ARHGEF37: variants seen among roughly 807,000 people sequenced by gnomAD.
The protein encoded by ARHGEF37 is Rho guanine nucleotide exchange factor (GEF) 37.
ARHGEF37 carries 55 observed loss-of-function variants against 71.1 expected under a neutral mutation model. The ratio of observed to expected loss-of-function variants is 0.77; its 90% confidence interval spans 0.62 to 0.97. The LOEUF is 0.97. ARHGEF37 is among the 50% of genes least tolerant of loss of function. The pLI is 0.00. For synonymous variants in ARHGEF37, 327 were observed against 350.6 expected, an observed-to-expected ratio of 0.93 and a Z score of 0.75; for missense variants, 765 against 836.8, an observed-to-expected ratio of 0.91 and a Z score of 1.06.
chr5:149,581,785 G>C (rs1475966206), intron 1 of ARHGEF37, among the ~76,000 whole-genome samples, 161 bp downstream of exon 1: 2 of 152,186 alleles, frequency 1.3e-5, no homozygotes, highest in African/African-American at 4.8e-5. Context: ...TTTGTGTCTT[G>C]AGCCTTATGA....
rs1762982427 is a variant in ARHGEF37 at position 149,572,736 on chromosome 5, C to T, written c.-12+20613C>T. Among the ~76,000 whole-genome samples the T allele has an allele frequency of 2.6e-5, 4 of 152,214 alleles. No homozygotes were observed. The South Asian group carries it at 8.3e-4, about 32-fold the overall frequency. ...AGGCCTTATCCAATCAGTTAAAGGCCTTAGGAGAACAAAGACTGACCTCTT... is the reference window on the plus strand; with the variant it reads ...AGGCCTTATCCAATCAGTTAAAGGCTTTAGGAGAACAAAGACTGACCTCTT... On this transcript the variant is annotated intron_variant, in intron 1 of 2. Transcript: ENST00000505810.
chr5:149,620,542 C>A, intron 8 of ARHGEF37, 78 bp downstream of exon 8: 4 of 1,240,062 alleles, frequency 3.2e-6, no homozygotes, highest in Non-Finnish European at 4.5e-6. Flanking sequence ...AGAAGTCAGG[C>A]ACTTTGGCCA....
upstream of ARHGEF37, among the ~76,000 whole-genome samples, chr5:149,580,553 G>A (rs1389896772): frequency 2.0e-5 from 3 of 152,052 alleles, no homozygotes; most frequent in African/African-American, 7.2e-5. Flanking sequence ...TGTGTCATGG[G>A]CAAGTTATTT....
chr5:149,624,621 A>G (rs1427062557), intron 10 of ARHGEF37, among the ~76,000 whole-genome samples: 3 of 135,966 alleles, frequency 2.2e-5, no homozygotes, highest in African/African-American at 5.8e-5. Context: ...TAAAAATACA[A>G]AAATTAGCTG....
chr5:149,618,956 G>A lies in ARHGEF37; in HGVS notation c.808G>A (p.Asp270Asn). Residue 270 changes from aspartate (D) to asparagine (N), a missense_variant, in exon 7 of 13, where the codon GAT becomes AAT. Asp to Asn is a conservative substitution (Grantham distance 23). Transcript: ENST00000333677. ...LIPRTEDKEF[D>N]DLEERFQWVS... is the part of the protein sequence containing the mutation. Reference sequence around the variant, plus strand: ...CTTTCAGACAGAAGACAAGGAATTTGATGATTTAGAAGAGAGGTTCCAGTG... The same window carrying A: ...CTTTCAGACAGAAGACAAGGAATTTAATGATTTAGAAGAGAGGTTCCAGTG... The A allele has an allele frequency of 6.2e-7, 1 of 1,614,058 alleles. No individual in the cohort carries two copies. The highest frequency in any genetic ancestry group is 1.1e-5 in the South Asian group (1 of 91,082).
Position 149,618,876 on chromosome 5 carries a change from C to T in ARHGEF37, c.790-62C>T, listed in dbSNP as rs1275221475. 6.5e-6 allele frequency: 9 copies of T among 1,387,778 alleles called. No homozygotes were observed. In the Admixed American group the frequency reaches 1.5e-4, roughly 23 times the overall value. The allele number at this position is 1,387,778 out of a possible 1,614,324, so 86.0% of individuals were successfully genotyped here. A position where few individuals can be genotyped will look rare whatever the true frequency, so the allele number is the denominator to read the frequency against. On this transcript the variant is annotated intron_variant, in intron 6 of 12. Transcript: ENST00000333677. ...GTTGTCCCAGTGAGGACCTGGAACA[C>T]TGAAGCCGGTGTACACTGCCCCCAT...
intron 2 of ARHGEF37, among the ~76,000 whole-genome samples, 191 bp from the exon 3 acceptor site, chr5:149,600,917 G>A (rs530290404): frequency 4.6e-5 from 7 of 152,298 alleles, no homozygotes; most frequent in South Asian, 4.1e-4. Context: ...GATTACAGGC[G>A]TGAGCCACTG....
rs919741756 is a variant in ARHGEF37, at chr5:149,633,428, C to T, written c.*1237C>T. On this transcript the variant is annotated 3_prime_UTR_variant, in exon 13 of 13. Transcript: ENST00000333677. Reference sequence around the variant, plus strand: ...CAATACTGCATTCTATGTAGCCAGCCTCTTTAACTTGGTAAGTGAGCCACC... The same window carrying T: ...CAATACTGCATTCTATGTAGCCAGCTTCTTTAACTTGGTAAGTGAGCCACC... 1 of 152,252 alleles carries T rather than the reference C, an allele frequency of 6.6e-6. No homozygotes were observed. Among genetic ancestry groups the T allele is most frequent in the Non-Finnish European group, 1.5e-5 (1 of 68,052 alleles). 9.4% of individuals were successfully genotyped at this position (152,252 alleles called of 1,614,324 possible). A position where few individuals can be genotyped will look rare whatever the true frequency, so the allele number is the denominator to read the frequency against.
At chr5:149,631,166 TCC>T (rs1752871397) in intron 12 of ARHGEF37, among the ~76,000 whole-genome samples, 1 of 147,816 alleles carries the variant, frequency 6.8e-6, no homozygotes. Flanking sequence ...CTTCCTTCCT[TCC>T]TTTCTTTTTT....
chr5:149,560,904 G>A (rs1195114097), intron 1 of ARHGEF37, among the ~76,000 whole-genome samples: 2 of 152,084 alleles, frequency 1.3e-5, no homozygotes, highest in Non-Finnish European at 2.9e-5. Flanking sequence ...ATCTTGACTT[G>A]TGCTCTTTAA....
chr5:149,574,937 T>A (rs1763009035), intron 1 of ARHGEF37, among the ~76,000 whole-genome samples: 1 of 152,224 alleles, frequency 6.6e-6, no homozygotes, highest in Non-Finnish European at 1.5e-5. Flanking sequence ...ATTTCTCACC[T>A]CAGCCTTATG....
chr5:149,606,525 C>G (rs909927803), intron 3 of ARHGEF37: 26 of 152,240 alleles, frequency 1.7e-4, no homozygotes, highest in Admixed American at 5.2e-4. Flanking sequence ...TTCCTGTGGT[C>G]CCTGGTTCCC....
intron 2 of ARHGEF37, among the ~76,000 whole-genome samples, chr5:149,600,874 T>G (rs1050875676): frequency 6.6e-6 from 1 of 152,124 alleles, no homozygotes; most frequent in Non-Finnish European, 1.5e-5. Context: ...CCTGACCTCA[T>G]GATCCACCCG....
At chr5:149,574,732 G>A (rs990718123) in intron 1 of ARHGEF37, among the ~76,000 whole-genome samples, 9 of 152,192 alleles carry the variant, frequency 5.9e-5, no homozygotes, top group Middle Eastern at 3.4e-3. Context: ...CTCATCCATC[G>A]TCCACCTGAC....
chr5:149,619,228 G>C (rs556542147), intron 7 of ARHGEF37, among the ~76,000 whole-genome samples, 186 bp downstream of exon 7: 3 of 152,242 alleles, frequency 2.0e-5, no homozygotes, highest in Admixed American at 6.5e-5. Context: ...CATTATACTG[G>C]GGGCAGCTCC....
intron 4 of ARHGEF37, among the ~76,000 whole-genome samples, chr5:149,614,866 A>G (rs73267895): frequency 2.2e-3 from 341 of 152,304 alleles, no homozygotes; most frequent in African/African-American, 7.7e-3. Context: ...CACGAGTATC[A>G]TCAGGGAGGG....
At chr5:149,590,773 A>AT (rs1763383109) in intron 1 of ARHGEF37, among the ~76,000 whole-genome samples, 1 of 151,422 alleles carries the variant, frequency 6.6e-6, no homozygotes, top group African/African-American at 2.4e-5. Flanking sequence ...ATTTTTTTGT[A>AT]TTTTTTATAG....
chr5:149,569,128 T>G (rs1312485459), intron 1 of ARHGEF37, among the ~76,000 whole-genome samples: 2 of 152,038 alleles, frequency 1.3e-5, no homozygotes, highest in Admixed American at 6.6e-5. Flanking sequence ...GTGACACAGT[T>G]TATCCTTTAT....
intron 5 of ARHGEF37, among the ~76,000 whole-genome samples, chr5:149,617,344 T>C (rs1752409971): frequency 6.6e-6 from 1 of 152,086 alleles, no homozygotes; most frequent in Non-Finnish European, 1.5e-5. Flanking sequence ...GAGAAATCAA[T>C]AGTGGGGAGG....
Sources: allele counts gnomAD v4.1 joint callset (sites outside exome capture counted in the v4.1 genomes callset), GRCh38; gene constraint gnomAD v4.1.1; transcripts MANE v1.5; gene names NCBI Gene and HGNC (gene_info 2026-07-23, HGNC 2026-07-21).